NELL1: variants seen among roughly 807,000 people sequenced by gnomAD.
NELL1 encodes neural EGFL like 1.
A neutral mutation model predicts 107.4 loss-of-function variants in NELL1; 76 were observed. The ratio of observed to expected loss-of-function variants is 0.71; its 90% CI spans 0.59 to 0.86. The LOEUF (loss-of-function observed/expected upper bound fraction) is 0.86. Ranked by LOEUF, NELL1 falls within the 40% of genes least tolerant of loss-of-function variation. The probability of loss-of-function intolerance (pLI) is 0.00; values close to 1 mark genes in which losing one functional copy is unlikely to be tolerated. For synonymous variants in NELL1, 353 were observed against 341.2 expected, an observed-to-expected ratio of 1.03 and a Z score of -0.38; for missense variants, 1,024 against 1,005.5, an observed-to-expected ratio of 1.02 and a Z score of -0.25.
chr11:21,270,040 TA>T lies in NELL1; in HGVS notation c.1549+40594del, dbSNP rs545120155. The stretch of plus-strand genomic sequence containing the variant: ...AACTCTGTGGCAATCGCTTTTTGTT[TA>T]AAAAAAAGTATATTGCTATGCTAAG... On this transcript the variant is annotated intron_variant, in intron 14 of 19. Coordinates refer to ENST00000357134, the MANE Select transcript of NELL1 (RefSeq NM_006157.5). 2.1e-4 allele frequency among the ~76,000 whole-genome samples: 32 copies of T among 151,696 alleles called. No individual in the cohort carries two copies. In the East Asian group the frequency reaches 4.1e-3, roughly 19 times the overall value.
intron 14 of NELL1, among the ~76,000 whole-genome samples, chr11:21,266,775 G>A (rs911939981): frequency 3.3e-5 from 5 of 151,982 alleles, no homozygotes; most frequent in African/African-American, 7.2e-5. Context: ...GTTATAGCAC[G>A]TGTCAAAACT....
intron 14 of NELL1, among the ~76,000 whole-genome samples, chr11:21,297,281 A>G (rs1849395554): frequency 6.6e-6 from 1 of 152,044 alleles, no homozygotes; most frequent in Admixed American, 6.6e-5. Flanking sequence ...AGGAATTTCA[A>G]ATGAAGTTAT....
intron 4 of NELL1, among the ~76,000 whole-genome samples, chr11:20,857,266 T>TTC (rs1213365447): frequency 1.3e-5 from 2 of 151,912 alleles, no homozygotes; most frequent in Non-Finnish European, 2.9e-5. Flanking sequence ...GAGCTGCTGA[T>TTC]GAGAGAGTCG....
intron 2 of NELL1, among the ~76,000 whole-genome samples, chr11:20,775,286 T>C (rs1856728134): frequency 6.6e-6 from 1 of 152,214 alleles, no homozygotes; most frequent in South Asian, 2.1e-4. Context: ...TGATGCTGTA[T>C]GTACTATTGT....
At chr11:20,753,249 A>G (rs1856183521) in intron 2 of NELL1, among the ~76,000 whole-genome samples, 1 of 152,244 alleles carries the variant, frequency 6.6e-6, no homozygotes, top group Admixed American at 6.5e-5. Context: ...CTTCTATGCT[A>G]TCTGTCCTTA....
At chr11:21,503,169 C>G (rs1024134358) in intron 15 of NELL1, among the ~76,000 whole-genome samples, 1 of 152,224 alleles carries the variant, frequency 6.6e-6, no homozygotes, top group Admixed American at 6.5e-5. Context: ...GCGTGAGCCA[C>G]TGCACCCAGC....
intron 16 of NELL1, among the ~76,000 whole-genome samples, chr11:21,556,223 C>T (rs1286451622): frequency 6.6e-6 from 1 of 151,562 alleles, no homozygotes; most frequent in African/African-American, 2.4e-5. Context: ...CAGGTAGGAA[C>T]ACACACACAC....
intron 5 of NELL1, among the ~76,000 whole-genome samples, chr11:20,892,727 A>G (rs1849642102): frequency 6.6e-6 from 1 of 152,180 alleles, no homozygotes; most frequent in African/African-American, 2.4e-5. Flanking sequence ...TCAGGAGTTC[A>G]AGACCAGCCT....
intron 14 of NELL1, among the ~76,000 whole-genome samples, chr11:21,362,957 TG>T (rs1217882190): frequency 6.6e-6 from 1 of 152,098 alleles, no homozygotes; most frequent in African/African-American, 2.4e-5. Context: ...ATCAGGGAAG[TG>T]GGGGATAGCG....
At chr11:20,691,179 T>C (rs1854455481) in intron 2 of NELL1, among the ~76,000 whole-genome samples, 1 of 152,138 alleles carries the variant, frequency 6.6e-6, no homozygotes, top group African/African-American at 2.4e-5. Flanking sequence ...TAAGGAGATT[T>C]TGGGCTGAGA....
At chr11:20,742,916 C>T (rs938530287) in intron 2 of NELL1, among the ~76,000 whole-genome samples, 4 of 152,138 alleles carry the variant, frequency 2.6e-5, no homozygotes, top group African/African-American at 9.7e-5. Context: ...CCTTTATATT[C>T]TATTCTTTCA....
chr11:21,427,984 CTT>C (rs1852871596), intron 15 of NELL1, among the ~76,000 whole-genome samples: 1 of 152,192 alleles, frequency 6.6e-6, no homozygotes, highest in South Asian at 2.1e-4. Context: ...ATGAGTCTAA[CTT>C]GGTTTGTGCT....
intron 14 of NELL1, among the ~76,000 whole-genome samples, chr11:21,278,941 A>G (rs947140778): frequency 2.0e-5 from 3 of 152,300 alleles, no homozygotes; most frequent in Middle Eastern, 3.4e-3. Flanking sequence ...AAACAAGTCA[A>G]TGCAAGAGAC....
intron 16 of NELL1, among the ~76,000 whole-genome samples, chr11:21,554,407 G>A (rs560871315): frequency 2.8e-4 from 42 of 151,964 alleles, no homozygotes; most frequent in African/African-American, 1.0e-3. Context: ...GCTAGCCAAT[G>A]TACTAATCAA....
Position 20,756,397 on chromosome 11 carries a change from G to C in NELL1, c.185-27283G>C, listed in dbSNP as rs192985701. Among the ~76,000 whole-genome samples the C allele has an allele frequency of 2.6e-5, 4 of 151,756 alleles. No individual in the cohort carries two copies. In the East Asian group the frequency reaches 7.8e-4, roughly 30 times the overall value. ...TCTTTCGCCCAGGCTGGAGTGCAGT[G>C]GTGCTATCTAGGCTCACTGAAAGCT... On this transcript the variant is annotated intron_variant, in intron 2 of 19. Coordinates refer to ENST00000357134, the MANE Select transcript of NELL1 (RefSeq NM_006157.5).
chr11:20,853,515 T>C (rs889744301), intron 4 of NELL1, among the ~76,000 whole-genome samples: 1 of 152,188 alleles, frequency 6.6e-6, no homozygotes, highest in African/African-American at 2.4e-5. Flanking sequence ...TCTTCTACCA[T>C]AGGGTTGTGG....
At chr11:21,205,436 A>G (rs7939980) in intron 13 of NELL1, among the ~76,000 whole-genome samples, 12,564 of 152,190 alleles carry the variant, frequency 0.083, 833 homozygotes, top group East Asian at 0.27. Context: ...AAAACCACCT[A>G]CCAAAGCCTC....
intron 15 of NELL1, among the ~76,000 whole-genome samples, chr11:21,482,427 A>G (rs1365136746): frequency 6.6e-6 from 1 of 152,142 alleles, no homozygotes; most frequent in Non-Finnish European, 1.5e-5. Context: ...ACCTCCACTT[A>G]TCATAGGATT....
intron 15 of NELL1, among the ~76,000 whole-genome samples, chr11:21,372,198 TA>T (rs1434915536): frequency 6.6e-6 from 1 of 151,934 alleles, no homozygotes; most frequent in Non-Finnish European, 1.5e-5. Flanking sequence ...GAATTCTTGC[TA>T]AAAGCAAAGA....
Sources: gnomAD v4.1 joint callset for allele counts (sites outside exome capture counted in the v4.1 genomes callset) on GRCh38, gnomAD v4.1.1 for gene constraint, MANE v1.5 for transcripts, NCBI Gene and HGNC (gene_info 2026-07-23, HGNC 2026-07-21) for gene names.